Variants in KIF4A observed in about 807,000 individuals in gnomAD.
The protein encoded by KIF4A is chromosome-associated kinesin KIF4A.
KIF4A carries 7 observed loss-of-function variants against 105.9 expected under a neutral mutation model. The observed-to-expected ratio is 0.07, with a 90% confidence interval of 0.04 to 0.12. The LOEUF is 0.12. Ranked by LOEUF, KIF4A falls within the 10% of genes least tolerant of loss-of-function variation. The pLI is 1.00. For missense variants in KIF4A, 558 were observed against 929.2 expected, an observed-to-expected ratio of 0.60 and a Z score of 5.19; for synonymous variants, 281 against 331.3, an observed-to-expected ratio of 0.85 and a Z score of 1.65.
At chrX:70,317,085 T>C (rs2085872264) in intron 7 of KIF4A, among the ~76,000 whole-genome samples, 1 of 112,330 alleles carries the variant, frequency 8.9e-6, no homozygotes, top group Non-Finnish European at 1.9e-5. Context: ...ATTCCACTGA[T>C]GAATGTACCA....
At chrX:70,340,305 A>G (rs1257258586) in intron 10 of KIF4A, among the ~76,000 whole-genome samples, 3 of 112,207 alleles carry the variant, frequency 2.7e-5, no homozygotes, top group Non-Finnish European at 5.6e-5. Context: ...GTTAACTATT[A>G]TTAATTATAG....
At position 70,361,833 on chromosome X, in the gene KIF4A, G is replaced by C. The variant is rs1279999081; in HGVS notation, c.1674+8026G>C. 2.7e-5 allele frequency among the ~76,000 whole-genome samples: 3 copies of C among 111,809 alleles called. No individual in the cohort carries two copies. The South Asian group carries it at 1.1e-3, about 43-fold the overall frequency. ...CCTACATACTTCACTGGGATGACTGGTGTTTACTGGAGAAGCAAAGGGCAG... is the reference window on the plus strand; with the variant it reads ...CCTACATACTTCACTGGGATGACTGCTGTTTACTGGAGAAGCAAAGGGCAG... On this transcript the variant is annotated intron_variant, in intron 15 of 30. Transcript: ENST00000374403.
chrX:70,325,674 G>A (rs1379355533), intron 7 of KIF4A, among the ~76,000 whole-genome samples: 1 of 109,928 alleles, frequency 9.1e-6, no homozygotes, highest in Non-Finnish European at 1.9e-5. Flanking sequence ...AGATTGTAGT[G>A]TGCCCGTCAC....
At chrX:70,418,256 C>T (rs1255261382) in intron 29 of KIF4A, among the ~76,000 whole-genome samples, 1 of 111,736 alleles carries the variant, frequency 8.9e-6, no homozygotes, top group Admixed American at 9.6e-5. Context: ...TCCCCACCCC[C>T]AGGCTTGGCT....
At chrX:70,348,594 G>A (rs1602761923) in intron 13 of KIF4A, among the ~76,000 whole-genome samples, 1 of 111,023 alleles carries the variant, frequency 9.0e-6, no homozygotes, top group African/African-American at 3.3e-5. Flanking sequence ...GTTTAACAAA[G>A]CACATCTTGC....
chrX:70,344,863 T>C (rs2085985982), intron 13 of KIF4A, among the ~76,000 whole-genome samples: 1 of 111,843 alleles, frequency 8.9e-6, no homozygotes, highest in South Asian at 3.8e-4. Flanking sequence ...GAAGAGAATA[T>C]TAAAAAAATG....
At chrX:70,389,340 G>T (rs900963174) in intron 20 of KIF4A, among the ~76,000 whole-genome samples, 1 of 112,454 alleles carries the variant, frequency 8.9e-6, no homozygotes, top group Non-Finnish European at 1.9e-5. Context: ...GCCAAGGCGG[G>T]TGGATTACCT....
At chrX:70,378,593 T>A (rs1162539630) in intron 18 of KIF4A, among the ~76,000 whole-genome samples, 1 of 108,341 alleles carries the variant, frequency 9.2e-6, no homozygotes, top group Non-Finnish European at 1.9e-5. Flanking sequence ...CTGGGCATGG[T>A]GGTGCATGCC....
chrX:70,349,459 G>T (rs1602763413), intron 13 of KIF4A, among the ~76,000 whole-genome samples: 1 of 98,220 alleles, frequency 1.0e-5, no homozygotes, highest in Non-Finnish European at 2.1e-5. Context: ...CTTCCCTGAC[G>T]GGGCGGCCGG....
intron 15 of KIF4A, among the ~76,000 whole-genome samples, chrX:70,371,630 T>C (rs1290066581): frequency 1.7e-4 from 17 of 101,667 alleles, no homozygotes; most frequent in African/African-American, 6.3e-4. Flanking sequence ...CCCTCCCGGA[T>C]GGGGCGGCTG....
intron 7 of KIF4A, among the ~76,000 whole-genome samples, chrX:70,315,044 A>G (rs749003273): frequency 4.5e-5 from 5 of 111,751 alleles, no homozygotes. Flanking sequence ...TATATCCTTT[A>G]ATGATATGTA....
In KIF4A at chrX:70,301,930, G is replaced by A; in HGVS notation, c.547G>A (p.Val183Ile). 4 of 1,210,862 alleles carry A rather than the reference G, an allele frequency of 3.3e-6. No individual in the cohort carries two copies. Among genetic ancestry groups the A allele is most frequent in the Non-Finnish European group, 3.4e-6 (3 of 895,016 alleles). ...GGGACTCACTGAGAAGACTGTTTTG[G>A]TTGCCTTGGATACTGTTTCCTGTTT... ...IVGLTEKTVL[V>I]ALDTVSCLEQ... The change falls in exon 6 of 31, where the codon GTT becomes ATT. Residue 183 changes from valine to isoleucine, a missense_variant. By Grantham distance (29) the Val-to-Ile change is conservative. Transcript: ENST00000374403.
intron 20 of KIF4A, among the ~76,000 whole-genome samples, chrX:70,395,184 T>C (rs2063845257): frequency 8.9e-6 from 1 of 112,079 alleles, no homozygotes; most frequent in Admixed American, 9.5e-5. Flanking sequence ...AGGCAGAGGT[T>C]GCAGTGAGCC....
At chrX:70,365,384 A>G (rs1304588654) in intron 15 of KIF4A, among the ~76,000 whole-genome samples, 1 of 111,632 alleles carries the variant, frequency 9.0e-6, no homozygotes. Context: ...TGGGTTTGTC[A>G]TAGATAGTTC....
chrX:70,381,273 C>T (rs2086196582), intron 18 of KIF4A, among the ~76,000 whole-genome samples: 1 of 112,006 alleles, frequency 8.9e-6, no homozygotes, highest in Non-Finnish European at 1.9e-5. Flanking sequence ...TGTGGTGGCT[C>T]ACGCCTGTAA....
rs2086302045 is a variant in KIF4A, at chrX:70,406,833, T to A, written c.3073-60T>A. On this transcript the variant is annotated intron_variant, in intron 27 of 30. Transcript: ENST00000374403. ...GGCAACAGCTACTGGGAAGATATGA[T>A]GCATATATAGTTTTTAGTTTTTATT... The A allele has an allele frequency of 4.9e-5, 53 of 1,086,709 alleles. No individual in the cohort carries two copies. The South Asian group carries it at 1.0e-3, about 20-fold the overall frequency. 89.6% of individuals were successfully genotyped at this position (1,086,709 alleles called of 1,213,427 possible).
chrX:70,401,367 C>T (rs1157349396), intron 22 of KIF4A, among the ~76,000 whole-genome samples: 1 of 104,868 alleles, frequency 9.5e-6, no homozygotes, highest in Non-Finnish European at 1.9e-5. Flanking sequence ...CGTGAACTAC[C>T]TCGCCCAGCC....
chrX:70,362,962 G>A (rs759639309), intron 15 of KIF4A, among the ~76,000 whole-genome samples: 4 of 106,955 alleles, frequency 3.7e-5, no homozygotes, highest in East Asian at 6.1e-4. Context: ...TCACTCTCTC[G>A]CCCAGGCTGG....
chrX:70,303,935 ATT>A (rs1251641911), intron 7 of KIF4A, among the ~76,000 whole-genome samples: 5 of 95,034 alleles, frequency 5.3e-5, no homozygotes, highest in African/African-American at 2.0e-4. Context: ...TTTTTATTTT[ATT>A]TTATTATTAT....
Sources: allele counts gnomAD v4.1 joint callset (sites outside exome capture counted in the v4.1 genomes callset), GRCh38; gene constraint gnomAD v4.1.1; transcripts MANE v1.5; gene names NCBI Gene and HGNC (gene_info 2026-07-23, HGNC 2026-07-21).